SHC4: variants seen among roughly 807,000 people sequenced by gnomAD.
The protein encoded by SHC4 is SHC-transforming protein 4.
SHC4 carries 41 observed loss-of-function variants against 69.4 expected under a neutral mutation model. The ratio of observed to expected loss-of-function variants is 0.59; its 90% CI spans 0.46 to 0.77. SHC4 has a LOEUF of 0.77. Among genes scored for constraint, SHC4 ranks in the 30% least tolerant of loss-of-function variants. The pLI, the probability that SHC4 is intolerant of heterozygous loss-of-function variation, is 0.00. For missense variants in SHC4, 777 were observed against 783.8 expected, an observed-to-expected ratio of 0.99 and a Z score of 0.10; for synonymous variants, 318 against 299.3, an observed-to-expected ratio of 1.06 and a Z score of -0.64.
chr15:48,836,060 GC>G (rs1447078403), intron 10 of SHC4, among the ~76,000 whole-genome samples: 1 of 149,648 alleles, frequency 6.7e-6, no homozygotes, highest in Non-Finnish European at 1.5e-5. Context: ...AGGCATAGTG[GC>G]ACGTGCCTGC....
chr15:48,902,547 G>A (rs1206831268), intron 2 of SHC4, among the ~76,000 whole-genome samples: 1 of 152,094 alleles, frequency 6.6e-6, no homozygotes. Context: ...CATTCCTCCA[G>A]TTGCTGGGAT....
chr15:48,956,970 C>CTTTTTTTTTTT (rs1234585427), intron 1 of SHC4, among the ~76,000 whole-genome samples: 10 of 70,180 alleles, frequency 1.4e-4, no homozygotes, highest in Non-Finnish European at 1.8e-4. Flanking sequence ...TTCTTTCTTT[C>CTTTTTTTTTTT]TTTCTTTTTT....
At chr15:48,884,078 A>G (rs534662493) in intron 4 of SHC4, among the ~76,000 whole-genome samples, 170 bp downstream of exon 4, 1 of 152,370 alleles carries the variant, frequency 6.6e-6, no homozygotes, top group South Asian at 2.1e-4. Context: ...GTGATGGGTT[A>G]GTAATGCTGT....
At chr15:48,871,042 G>A (rs1899665812) in intron 5 of SHC4, among the ~76,000 whole-genome samples, 1 of 152,158 alleles carries the variant, frequency 6.6e-6, no homozygotes, top group Admixed American at 6.5e-5. Flanking sequence ...CTAGGTTATT[G>A]TCCTATCATT....
In SHC4 at chr15:48,870,915, T is replaced by C. The variant is rs555567778; in HGVS notation, c.894+1174A>G. Reference sequence around the variant, plus strand: ...TTCAGAACTTTACTTCCTTTTAGGATATACAATTATTTCTCCCCCATTGAA... The same window carrying C: ...TTCAGAACTTTACTTCCTTTTAGGACATACAATTATTTCTCCCCCATTGAA... On this transcript the variant is annotated intron_variant, in intron 5 of 11. Coordinates refer to ENST00000332408, the MANE Select transcript of SHC4 (RefSeq NM_203349.4). Among the ~76,000 whole-genome samples the C allele has an allele frequency of 2.0e-5, 3 of 152,358 alleles. No individual in the cohort carries two copies. The East Asian group carries it at 5.8e-4, about 29-fold the overall frequency.
At chr15:48,845,630 A>G (rs1181677034) in intron 9 of SHC4, among the ~76,000 whole-genome samples, 1 of 152,236 alleles carries the variant, frequency 6.6e-6, no homozygotes, top group Non-Finnish European at 1.5e-5. Flanking sequence ...TTAGGAGCTT[A>G]TAAACGAGAA....
chr15:48,916,663 G>A (rs1343151825), intron 2 of SHC4, among the ~76,000 whole-genome samples: 1 of 151,540 alleles, frequency 6.6e-6, no homozygotes. Flanking sequence ...AAATGAATCC[G>A]AAGCCAGGAC....
intron 1 of SHC4, among the ~76,000 whole-genome samples, chr15:48,961,310 C>T (rs772640549): frequency 6.6e-6 from 1 of 152,216 alleles, no homozygotes; most frequent in Non-Finnish European, 1.5e-5. Flanking sequence ...CCTCATTTGG[C>T]ATTTAAGAGC....
At chr15:48,846,720 G>A (rs1595730051) in intron 9 of SHC4, among the ~76,000 whole-genome samples, 1 of 152,112 alleles carries the variant, frequency 6.6e-6, no homozygotes, top group African/African-American at 2.4e-5. Context: ...GATGAAGCAG[G>A]TGCTCAAAAG....
chr15:48,924,532 C>G (rs1567071318), intron 2 of SHC4, among the ~76,000 whole-genome samples: 1 of 152,200 alleles, frequency 6.6e-6, no homozygotes, highest in Non-Finnish European at 1.5e-5. Flanking sequence ...GAAAGTCTTA[C>G]TTGGTCTTAT....
chr15:48,925,056 C>T (rs879079930), intron 1 of SHC4, 107 bp from the exon 2 acceptor site: 13 of 1,139,942 alleles, frequency 1.1e-5, no homozygotes, highest in South Asian at 1.0e-4. Context: ...CTTCTGCTAT[C>T]AAGTTACATT....
chr15:48,887,049 C>T (rs1353652905), intron 3 of SHC4, among the ~76,000 whole-genome samples: 3 of 152,122 alleles, frequency 2.0e-5, no homozygotes, highest in South Asian at 4.1e-4. Flanking sequence ...TACTCTATGT[C>T]GCATAGTCTC....
chr15:48,928,677 T>A (rs1166479628), intron 1 of SHC4, among the ~76,000 whole-genome samples: 3 of 152,166 alleles, frequency 2.0e-5, no homozygotes, highest in Non-Finnish European at 4.4e-5. Context: ...TATAACCACC[T>A]TATCTGCTTC....
rs1898867697 is a variant in SHC4, at chr15:48,834,755, G to A, written c.1737+14C>T. ...CAACATCCTGTGAAACCTCTAATGAGAAGTCAATGATACCTTGCCTTCAGG... is the reference window on the plus strand; with the variant it reads ...CAACATCCTGTGAAACCTCTAATGAAAAGTCAATGATACCTTGCCTTCAGG... On this transcript the variant is annotated intron_variant, in intron 11 of 11. Coordinates refer to ENST00000332408, the MANE Select transcript of SHC4 (RefSeq NM_203349.4). 1 of 1,613,294 alleles carries A rather than the reference G, an allele frequency of 6.2e-7. No homozygotes were observed. The highest frequency in any genetic ancestry group is 1.3e-5 in the African/African-American group (1 of 74,876).
intron 11 of SHC4, among the ~76,000 whole-genome samples, chr15:48,831,202 T>C (rs1048904391): frequency 1.5e-4 from 23 of 152,086 alleles, no homozygotes; most frequent in African/African-American, 5.3e-4. Flanking sequence ...ATTTAAATGT[T>C]TACAAAGTAA....
chr15:48,943,868 A>G (rs1901223416), intron 1 of SHC4, among the ~76,000 whole-genome samples: 1 of 151,952 alleles, frequency 6.6e-6, no homozygotes, highest in South Asian at 2.1e-4. Context: ...TTGAAGTCCT[A>G]CCCAATAACA....
At position 48,825,155 on chromosome 15, in the gene SHC4, TG is replaced by T. The variant is rs200123415; in HGVS notation, c.*815del. ...ATCCATGCACTCATGAGGTTTTTTT[TG>T]TTTTTTTTGTTTTTTGTTTTTTGTC... On this transcript the variant is annotated 3_prime_UTR_variant, in exon 12 of 12. Transcript: ENST00000332408. The T allele has an allele frequency of 6.6e-6, 1 of 150,774 alleles. No individual in the cohort carries two copies. The highest frequency in any genetic ancestry group is 1.5e-5 in the Non-Finnish European group (1 of 67,932). The allele number at this position is 150,774 out of a possible 1,614,324, so 9.3% of individuals were successfully genotyped here.
At chr15:48,901,787 GCTCT>G (rs1236820534) in intron 2 of SHC4, among the ~76,000 whole-genome samples, 1 of 152,146 alleles carries the variant, frequency 6.6e-6, no homozygotes, top group Admixed American at 6.5e-5. Flanking sequence ...AGTTTTTAAA[GCTCT>G]CTATGTCTCA....
intron 2 of SHC4, among the ~76,000 whole-genome samples, chr15:48,898,574 G>A (rs1900263933): frequency 6.6e-6 from 1 of 152,220 alleles, no homozygotes; most frequent in Non-Finnish European, 1.5e-5. Context: ...AGCAACCATA[G>A]GAAATGGGTT....
Sources: allele counts gnomAD v4.1 joint callset (sites outside exome capture counted in the v4.1 genomes callset), GRCh38; gene constraint gnomAD v4.1.1; transcripts MANE v1.5; gene names NCBI Gene and HGNC (gene_info 2026-07-23, HGNC 2026-07-21).